Variants in CAST observed in about 807,000 individuals in gnomAD.
CAST encodes MIR583 host.
Under a neutral mutation model 119.6 loss-of-function variants are expected in CAST, and 76 were observed. The observed-to-expected ratio is 0.64, with a 90% confidence interval of 0.53 to 0.77. The LOEUF (loss-of-function observed/expected upper bound fraction) is 0.77. Ranked by LOEUF, CAST falls within the 30% of genes least tolerant of loss-of-function variation. The probability of loss-of-function intolerance (pLI) is 0.00; values close to 1 mark genes in which losing one functional copy is unlikely to be tolerated. For missense variants in CAST, 953 were observed against 946.5 expected (o/e 1.01, Z -0.09); for synonymous variants, 319 against 331.6 (o/e 0.96, Z 0.41).
At chr5:96,108,086 A>G in the CAST span, among the ~76,000 whole-genome samples, 2 of 151,638 alleles carry the variant, frequency 1.3e-5, no homozygotes, top group Non-Finnish European at 2.9e-5. Context: ...AGCTCCTTTA[A>G]GCACTTCTCT....
At chr5:96,392,763 C>T in the CAST span, 8 of 561,638 alleles carry the variant, frequency 1.4e-5, no homozygotes, top group Non-Finnish European at 2.5e-5. Flanking sequence ...GAACAAAACA[C>T]TTCACTTGTG....
the CAST span, among the ~76,000 whole-genome samples, chr5:96,479,149 A>G: frequency 6.6e-6 from 1 of 152,168 alleles, no homozygotes; most frequent in African/African-American, 2.4e-5. Flanking sequence ...CTACATGCTG[A>G]CACCTGCTTA....
intron 3 of CAST, among the ~76,000 whole-genome samples, chr5:96,721,902 T>G (rs187662522): frequency 6.6e-6 from 1 of 152,174 alleles, no homozygotes; most frequent in Non-Finnish European, 1.5e-5. Flanking sequence ...ATTTATCACC[T>G]CTTGCCTTCT....
the CAST span, among the ~76,000 whole-genome samples, chr5:96,035,911 G>C: frequency 6.6e-6 from 1 of 151,884 alleles, no homozygotes; most frequent in Non-Finnish European, 1.5e-5. Flanking sequence ...TCCCTGCTCA[G>C]CTACTTTGGT....
At chr5:96,371,538 G>A in the CAST span, among the ~76,000 whole-genome samples, 15 of 152,214 alleles carry the variant, frequency 9.9e-5, no homozygotes, top group East Asian at 2.5e-3. Context: ...TATTTTGAAC[G>A]CTCAAGGTGC....
chr5:96,425,336 A>G, the CAST span, among the ~76,000 whole-genome samples: 389 of 152,348 alleles, frequency 2.6e-3, 1 homozygote, highest in African/African-American at 8.5e-3. Flanking sequence ...GCAAGTCTAG[A>G]CATTTGCAAT....
chr5:96,338,236 A>G, the CAST span, among the ~76,000 whole-genome samples: 39 of 152,354 alleles, frequency 2.6e-4, no homozygotes, highest in African/African-American at 5.5e-4. Flanking sequence ...TTTCAAATGC[A>G]TTTATGCACT....
At chr5:96,422,014 A>AGC in the CAST span, 1 of 888,082 alleles carries the variant, frequency 1.1e-6, no homozygotes. Context: ...AAAAAAAAAA[A>AGC]AAAAAGCATC....
the CAST span, among the ~76,000 whole-genome samples, chr5:96,301,914 T>C: frequency 6.6e-6 from 1 of 152,150 alleles, no homozygotes; most frequent in African/African-American, 2.4e-5. Flanking sequence ...CCTCTTTTCA[T>C]AGCTCCGCTA....
chr5:96,382,600 A>G, the CAST span, among the ~76,000 whole-genome samples: 24 of 152,370 alleles, frequency 1.6e-4, no homozygotes, highest in African/African-American at 5.8e-4. Flanking sequence ...CGATGAATAA[A>G]AACAGTGCCC....
the CAST span, among the ~76,000 whole-genome samples, chr5:96,460,007 C>T: frequency 6.6e-6 from 1 of 152,064 alleles, no homozygotes; most frequent in African/African-American, 2.4e-5. Context: ...GCTTAGCAAC[C>T]AGTGTTCTTT....
At chr5:96,693,150 C>T (rs545730488) in intron 2 of CAST, among the ~76,000 whole-genome samples, 2 of 152,360 alleles carry the variant, frequency 1.3e-5, no homozygotes, top group Middle Eastern at 3.4e-3. Flanking sequence ...ATTCCAGTCT[C>T]ACTTCAGCTG....
the CAST span, among the ~76,000 whole-genome samples, chr5:96,456,869 C>T: frequency 3.9e-5 from 6 of 152,276 alleles, no homozygotes; most frequent in South Asian, 4.2e-4. Flanking sequence ...TGAGTTCTCA[C>T]GAGATCTGAT....
intron 1 of CAST, among the ~76,000 whole-genome samples, chr5:96,603,800 T>G (rs1172595074): frequency 3.5e-5 from 5 of 143,692 alleles, no homozygotes. Context: ...GGGATTGCTC[T>G]GTCGCCCAGA....
chr5:96,392,263 G>T, the CAST span: 7 of 151,980 alleles, frequency 4.6e-5, no homozygotes, highest in South Asian at 1.5e-3. Context: ...AAAACTTTCA[G>T]AAGGAGAAAC....
chr5:96,533,001 G>T (rs532673873), intron 1 of CAST, among the ~76,000 whole-genome samples: 11 of 149,008 alleles, frequency 7.4e-5, no homozygotes, highest in Non-Finnish European at 1.5e-4. Flanking sequence ...CTCCAGCCTG[G>T]GTGACAGAGG....
At chr5:96,064,139 T>C in the CAST span, among the ~76,000 whole-genome samples, 1 of 152,178 alleles carries the variant, frequency 6.6e-6, no homozygotes, top group African/African-American at 2.4e-5. Flanking sequence ...GATTTGTGTG[T>C]TTTATTGGCC....
the CAST span, chr5:96,410,696 G>A: frequency 1.7e-6 from 2 of 1,149,418 alleles, no homozygotes; most frequent in African/African-American, 1.5e-5. Flanking sequence ...TCGTACCAAA[G>A]GTCAGTTAGG....
the CAST span, among the ~76,000 whole-genome samples, chr5:96,328,488 C>A: frequency 6.9e-6 from 1 of 145,690 alleles, no homozygotes; most frequent in East Asian, 2.1e-4. Flanking sequence ...CCTTTCTGGG[C>A]GTTTGTGTAC....
Sources: gnomAD v4.1 joint callset for allele counts (sites outside exome capture counted in the v4.1 genomes callset) on GRCh38, gnomAD v4.1.1 for gene constraint, MANE v1.5 for transcripts, NCBI Gene and HGNC (gene_info 2026-07-23, HGNC 2026-07-21) for gene names.